The following ATP8B4 variants were observed in gnomAD, a reference collection of about 807,000 sequenced individuals.
ATP8B4 encodes probable phospholipid-transporting ATPase IM.
In ATP8B4, 133 loss-of-function variants were observed where a neutral mutation model predicts 145.6. The ratio of observed to expected loss-of-function variants is 0.91; its 90% CI spans 0.79 to 1.05. ATP8B4 has a LOEUF of 1.05. Among genes scored for constraint, ATP8B4 ranks in the 50% least tolerant of loss-of-function variants. The pLI is 0.00. For missense variants in ATP8B4, 1,458 were observed against 1,425.2 expected (o/e 1.02, Z -0.37); for synonymous variants, 507 against 492.9 (o/e 1.03, Z -0.38).
chr15:49,935,694 G>C (rs1330825234), intron 14 of ATP8B4, among the ~76,000 whole-genome samples: 1 of 151,860 alleles, frequency 6.6e-6, no homozygotes, highest in Non-Finnish European at 1.5e-5. Flanking sequence ...ACATCAAACG[G>C]TTATCCCAAA....
At chr15:50,107,344 G>T (rs576064154) in intron 1 of ATP8B4, among the ~76,000 whole-genome samples, 4 of 152,134 alleles carry the variant, frequency 2.6e-5, no homozygotes, top group Non-Finnish European at 5.9e-5. Flanking sequence ...TTATTTAAAT[G>T]CCATAGGTGA....
chr15:49,968,834 C>T (rs11634706), intron 13 of ATP8B4, among the ~76,000 whole-genome samples: 33,574 of 152,154 alleles, frequency 0.22, 4,543 homozygotes, highest in East Asian at 0.59. Context: ...CTTCTCAGCA[C>T]CACATTGCAT....
intron 14 of ATP8B4, among the ~76,000 whole-genome samples, chr15:49,955,991 G>A (rs1261202101): frequency 6.6e-6 from 1 of 151,938 alleles, no homozygotes; most frequent in Non-Finnish European, 1.5e-5. Flanking sequence ...TAAAAAAGTT[G>A]TTAAGAGTAA....
intron 7 of ATP8B4, chr15:50,009,772 G>C (rs2048589753): frequency 2.4e-6 from 1 of 418,454 alleles, no homozygotes; most frequent in South Asian, 1.7e-5. Flanking sequence ...TACTTATAAG[G>C]AGCTTAACCA....
At chr15:50,124,496 C>A (rs114967111) in intron 1 of ATP8B4, among the ~76,000 whole-genome samples, 1 of 152,048 alleles carries the variant, frequency 6.6e-6, no homozygotes, top group Non-Finnish European at 1.5e-5. Flanking sequence ...CAGATAGAGA[C>A]CCGGATTTAG....
chr15:49,973,451 A>T (rs544029520), intron 12 of ATP8B4, among the ~76,000 whole-genome samples: 2 of 152,274 alleles, frequency 1.3e-5, no homozygotes, highest in East Asian at 3.9e-4. Flanking sequence ...TATTGAGAAC[A>T]TTCTCTCCAA....
intron 1 of ATP8B4, among the ~76,000 whole-genome samples, chr15:50,164,506 T>G (rs1025439913): frequency 6.6e-6 from 1 of 152,132 alleles, no homozygotes; most frequent in Non-Finnish European, 1.5e-5. Context: ...TAAGATGAAG[T>G]CTTCTTTACT....
chr15:49,935,222 T>C (rs2041633508), intron 14 of ATP8B4, among the ~76,000 whole-genome samples: 1 of 152,090 alleles, frequency 6.6e-6, no homozygotes, highest in Non-Finnish European at 1.5e-5. Flanking sequence ...ATTATCTTTA[T>C]AATAGGCCCG....
chr15:49,956,540 T>C (rs377466982), intron 14 of ATP8B4, among the ~76,000 whole-genome samples: 2 of 152,250 alleles, frequency 1.3e-5, no homozygotes, highest in East Asian at 3.9e-4. Context: ...AGTTAACAAA[T>C]AGTTCTCAAC....
rs2045979514 is a variant in ATP8B4 at position 49,979,599 on chromosome 15, T to C, written c.1034+18A>G. ...TTTTGATGAAATTATTTCATTAAAATATAAACTCTCATCTTACCTCACATA... is the reference window on the plus strand; with the variant it reads ...TTTTGATGAAATTATTTCATTAAAACATAAACTCTCATCTTACCTCACATA... On this transcript the variant is annotated intron_variant, in intron 12 of 27. Coordinates refer to ENST00000284509, the MANE Select transcript of ATP8B4 (RefSeq NM_024837.4). The C allele has an allele frequency of 2.1e-6, 3 of 1,417,800 alleles. No individual in the cohort carries two copies. Among genetic ancestry groups the C allele is most frequent in the Non-Finnish European group, 2.8e-6 (3 of 1,058,390 alleles). The allele number at this position is 1,417,800 out of a possible 1,614,324, so 87.8% of individuals were successfully genotyped here.
chr15:50,122,802 C>G (rs961962466), upstream of ATP8B4, among the ~76,000 whole-genome samples: 4 of 152,172 alleles, frequency 2.6e-5, no homozygotes, highest in African/African-American at 9.7e-5. Context: ...ACACTGCAAA[C>G]CTACTCACTA....
At chr15:49,904,759 A>C (rs1268799956) in intron 20 of ATP8B4, among the ~76,000 whole-genome samples, 5 of 152,222 alleles carry the variant, frequency 3.3e-5, no homozygotes, top group Admixed American at 2.6e-4. Context: ...ACATTCAAAT[A>C]AATAATTTTC....
At chr15:49,956,035 A>G (rs957323559) in intron 14 of ATP8B4, among the ~76,000 whole-genome samples, 3 of 152,208 alleles carry the variant, frequency 2.0e-5, no homozygotes, top group Admixed American at 6.5e-5. Context: ...ATGGAATTCA[A>G]TAAAGAACAG....
chr15:49,901,688 A>T (rs2038050787), intron 20 of ATP8B4: 1 of 305,076 alleles, frequency 3.3e-6, no homozygotes, highest in Non-Finnish European at 6.4e-6. Flanking sequence ...TAAATTCATC[A>T]ATTTGAGGTA....
chr15:50,167,035 G>A (rs1336203216), intron 1 of ATP8B4, among the ~76,000 whole-genome samples: 1 of 152,192 alleles, frequency 6.6e-6, no homozygotes, highest in Non-Finnish European at 1.5e-5. Context: ...TACTCACCAT[G>A]AGGCCAATTA....
intron 1 of ATP8B4, among the ~76,000 whole-genome samples, chr15:50,148,066 G>A (rs1274521419): frequency 6.6e-6 from 1 of 152,162 alleles, no homozygotes; most frequent in Non-Finnish European, 1.5e-5. Context: ...GGGACAATCA[G>A]GCAGCAGATG....
intron 2 of ATP8B4, among the ~76,000 whole-genome samples, chr15:50,096,794 C>G (rs575842431): frequency 1.3e-5 from 2 of 152,334 alleles, no homozygotes; most frequent in South Asian, 4.1e-4. Context: ...CTTTCTCTCT[C>G]ATCTCTAGTG....
chr15:50,052,019 C>T (rs1361215784), intron 3 of ATP8B4, among the ~76,000 whole-genome samples: 1 of 152,178 alleles, frequency 6.6e-6, no homozygotes, highest in African/African-American at 2.4e-5. Flanking sequence ...GGAACAAGGG[C>T]TCCCCCTCCT....
At chr15:50,093,964 A>G (rs2055785456) in intron 2 of ATP8B4, among the ~76,000 whole-genome samples, 1 of 152,190 alleles carries the variant, frequency 6.6e-6, no homozygotes, top group Non-Finnish European at 1.5e-5. Context: ...TGCATCCAAT[A>G]ACGTAGCCTC....
Sources: allele counts gnomAD v4.1 joint callset (sites outside exome capture counted in the v4.1 genomes callset), GRCh38; gene constraint gnomAD v4.1.1; transcripts MANE v1.5; gene names NCBI Gene and HGNC (gene_info 2026-07-23, HGNC 2026-07-21).